PGAP1: variants seen among roughly 807,000 people sequenced by gnomAD.
PGAP1 encodes the protein GPI inositol-deacylase.
PGAP1 carries 76 observed loss-of-function variants against 127.0 expected under a neutral mutation model. That is an observed-to-expected ratio of 0.60 (90% confidence interval 0.50 to 0.72). PGAP1 has a LOEUF of 0.72. Ranked by LOEUF, PGAP1 falls within the 30% of genes least tolerant of loss-of-function variation. The probability of loss-of-function intolerance (pLI) is 0.00; values close to 1 mark genes in which losing one functional copy is unlikely to be tolerated. For synonymous variants in PGAP1, 362 were observed against 366.5 expected (o/e 0.99, Z 0.14); for missense variants, 982 against 1,071.3 (o/e 0.92, Z 1.16).
intron 12 of PGAP1, among the ~76,000 whole-genome samples, chr2:196,881,977 G>C (rs1006360929): frequency 2.0e-5 from 3 of 152,040 alleles, no homozygotes; most frequent in Non-Finnish European, 4.4e-5. Context: ...ATTTTTTATA[G>C]TTTTGGGTTT....
Position 196,926,680 on chromosome 2 carries a change from C to G in PGAP1, c.-64G>C. Reference sequence around the variant, plus strand: ...TACCTCCTTCTCCGCCGCGGGGCCCCAAGCCCGGACTGAGCGTGCTAGACA... The same window carrying G: ...TACCTCCTTCTCCGCCGCGGGGCCCGAAGCCCGGACTGAGCGTGCTAGACA... On this transcript the variant is annotated 5_prime_UTR_variant, in exon 1 of 27. Coordinates refer to ENST00000354764, the MANE Select transcript of PGAP1 (RefSeq NM_024989.4). 3 of 1,607,156 alleles carry G rather than the reference C, an allele frequency of 1.9e-6. No homozygotes were observed. Among genetic ancestry groups the G allele is most frequent in the Non-Finnish European group, 2.5e-6 (3 of 1,176,600 alleles).
intron 22 of PGAP1, among the ~76,000 whole-genome samples, chr2:196,846,432 A>G (rs1024396093): frequency 6.6e-6 from 1 of 152,154 alleles, no homozygotes; most frequent in African/African-American, 2.4e-5. Flanking sequence ...GGGTGGAGGA[A>G]GAAGCATCAC....
intron 5 of PGAP1, among the ~76,000 whole-genome samples, chr2:196,898,997 A>G (rs1207223550): frequency 1.3e-5 from 2 of 152,244 alleles, no homozygotes; most frequent in East Asian, 3.9e-4. Flanking sequence ...AAAGGCTTCT[A>G]AAAAATATAA....
chr2:196,859,259 G>A (rs1453248512), intron 20 of PGAP1, among the ~76,000 whole-genome samples: 1 of 152,136 alleles, frequency 6.6e-6, no homozygotes, highest in Non-Finnish European at 1.5e-5. Flanking sequence ...CCTGGGAGAA[G>A]GAGGTTGCAG....
intron 5 of PGAP1, among the ~76,000 whole-genome samples, 189 bp downstream of exon 5, chr2:196,902,396 T>TATTCATGC (rs1553604324): frequency 2.6e-5 from 4 of 151,362 alleles, no homozygotes; most frequent in African/African-American, 9.8e-5. Context: ...AACACATTCA[T>TATTCATGC]ATTCATTCAT....
At position 196,912,873 on chromosome 2, in the gene PGAP1, A is replaced by C. The variant is rs778419232; in HGVS notation, c.649+9T>G. 6.3e-7 allele frequency: 1 copy of C among 1,586,986 alleles called. No individual in the cohort carries two copies. The highest frequency in any genetic ancestry group is 1.4e-5 in the African/African-American group (1 of 73,892). ...ATGGGGAGGTTAATGTTCATGTAAC[A>C]GTACTCACCTGTAATGAAACGATCT... On this transcript the variant is annotated intron_variant, in intron 4 of 26. Transcript: ENST00000354764.
chr2:196,857,046 A>G (rs1456371800), intron 20 of PGAP1, among the ~76,000 whole-genome samples: 1 of 152,154 alleles, frequency 6.6e-6, no homozygotes, highest in Non-Finnish European at 1.5e-5. Context: ...TCCTTGCCAG[A>G]GCAATCAGGC....
chr2:196,892,387 C>T lies in PGAP1; in HGVS notation c.1048G>A (p.Val350Ile), dbSNP rs1471075730. ...ISDLTGTSMW[V>I]LVKVSKWTYV... Reference sequence around the variant, plus strand: ...GTCCATTTGGACACTTTTACTAGAACCCACATAGATGTCCCTGAAGGTAAA... The same window carrying T: ...GTCCATTTGGACACTTTTACTAGAATCCACATAGATGTCCCTGAAGGTAAA... The change falls in exon 9 of 27, where the codon GTT (valine) becomes ATT (isoleucine). Residue 350 changes from valine to isoleucine, a missense_variant. Physicochemically the swap from Val to Ile is conservative, Grantham distance 29. Coordinates refer to ENST00000354764, the MANE Select transcript of PGAP1 (RefSeq NM_024989.4). 1 of 1,465,428 alleles carries T rather than the reference C, an allele frequency of 6.8e-7. No homozygotes were observed. Among genetic ancestry groups the T allele is most frequent in the Non-Finnish European group, 9.4e-7 (1 of 1,063,600 alleles). The allele number at this position is 1,465,428 out of a possible 1,614,324, so 90.8% of individuals were successfully genotyped here. A position where few individuals can be genotyped will look rare whatever the true frequency, so the allele number is the denominator to read the frequency against.
chr2:196,883,327 C>A (rs979471907), intron 12 of PGAP1, among the ~76,000 whole-genome samples: 2 of 152,158 alleles, frequency 1.3e-5, no homozygotes, highest in African/African-American at 4.8e-5. Flanking sequence ...GCTAAAGAAC[C>A]ATTAATGAGT....
Position 196,872,543 on chromosome 2 carries a change from T to TG in PGAP1, c.1625dup (p.Ser543IlefsTer24). On this transcript the variant is annotated frameshift_variant, in exon 18 of 27. Coordinates refer to ENST00000354764, the MANE Select transcript of PGAP1 (RefSeq NM_024989.4). LOFTEE classifies it high-confidence loss of function. ...GTTTCAGAGAAATTTCTGTGGAAGA[T>TG]GGAGCCCTGAAGAGATAACTTAAAT... 6.2e-7 allele frequency: 1 copy of TG among 1,606,512 alleles called. No homozygotes were observed. The highest frequency in any genetic ancestry group is 8.5e-7 in the Non-Finnish European group (1 of 1,173,190).
intron 12 of PGAP1, among the ~76,000 whole-genome samples, chr2:196,885,191 G>A (rs1255823952): frequency 1.3e-5 from 2 of 151,960 alleles, no homozygotes; most frequent in East Asian, 1.9e-4. Context: ...GAGATTTAGA[G>A]GACTGTTAAC....
intron 24 of PGAP1, 141 bp from the exon 25 acceptor site, chr2:196,844,216 T>C (rs191694748): frequency 5.7e-5 from 32 of 564,016 alleles, no homozygotes; most frequent in African/African-American, 5.1e-4. Context: ...TTACTTTGCT[T>C]AAAAATACTT....
At chr2:196,913,078 T>C (rs765435551) in intron 3 of PGAP1, 25 bp from the exon 4 acceptor site, 2 of 1,575,036 alleles carry the variant, frequency 1.3e-6, no homozygotes, top group South Asian at 1.2e-5. Context: ...CACCAGGTCA[T>C]AATTGCGGCT....
At chr2:196,866,961 C>T (rs916726362) in intron 19 of PGAP1, among the ~76,000 whole-genome samples, 4 of 151,754 alleles carry the variant, frequency 2.6e-5, no homozygotes, top group African/African-American at 7.3e-5. Flanking sequence ...GTTAGAATGG[C>T]GATCATTAAA....
chr2:196,850,814 G>A (rs907765422), intron 20 of PGAP1, among the ~76,000 whole-genome samples: 1 of 152,062 alleles, frequency 6.6e-6, no homozygotes, highest in Non-Finnish European at 1.5e-5. Context: ...GGAAATTAGG[G>A]AGTGAGTGTC....
chr2:196,847,100 T>C lies in PGAP1; in HGVS notation c.2053A>G (p.Ile685Val). The change falls in exon 22 of 27, where the codon ATT (isoleucine) becomes GTT (valine). Residue 685 changes from isoleucine (I) to valine (V), a missense_variant. Physicochemically the swap from Ile to Val is conservative, Grantham distance 29 (BLOSUM62 3). Transcript: ENST00000354764. ...QSMCFPLISL[I>V]LFLFGTCTAY... is the part of the protein sequence containing the mutation. ...GTACACGTTCCAAACAGAAAGAGAATCAAGGATATCAGGGGGAAACACATA... is the reference window on the plus strand; with the variant it reads ...GTACACGTTCCAAACAGAAAGAGAACCAAGGATATCAGGGGGAAACACATA... 6.2e-7 allele frequency: 1 copy of C among 1,613,484 alleles called. No homozygotes were observed. Among genetic ancestry groups the C allele is most frequent in the Non-Finnish European group, 8.5e-7 (1 of 1,179,614 alleles).
intron 4 of PGAP1, among the ~76,000 whole-genome samples, chr2:196,903,516 G>T (rs1702569121): frequency 7.3e-6 from 1 of 136,934 alleles, no homozygotes. Context: ...AGCCGAGATT[G>T]TGCTACTGCA....
In PGAP1 at chr2:196,872,565, A is replaced by C. The variant is rs772309244; in HGVS notation, c.1620-16T>G. The C allele has an allele frequency of 2.6e-6, 4 of 1,529,416 alleles. No homozygotes were observed. Among genetic ancestry groups the C allele is most frequent in the Non-Finnish European group, 3.6e-6 (4 of 1,103,538 alleles). The allele number at this position is 1,529,416 out of a possible 1,614,324, so 94.7% of individuals were successfully genotyped here. On this transcript the variant is annotated splice_polypyrimidine_tract_variant and intron_variant, in intron 17 of 26. Coordinates refer to ENST00000354764, the MANE Select transcript of PGAP1 (RefSeq NM_024989.4). The stretch of plus-strand genomic sequence containing the variant: ...AGATGGAGCCCTGAAGAGATAACTT[A>C]AATATCAATTCTCAAATACAAAATG...
intron 5 of PGAP1, among the ~76,000 whole-genome samples, chr2:196,902,039 A>G (rs140204834): frequency 8.5e-5 from 13 of 152,180 alleles, no homozygotes; most frequent in African/African-American, 2.2e-4. Context: ...TTTGTTTTTG[A>G]GTCAGAGTCT....
Sources: gnomAD v4.1 joint callset for allele counts (sites outside exome capture counted in the v4.1 genomes callset) on GRCh38, gnomAD v4.1.1 for gene constraint, MANE v1.5 for transcripts, NCBI Gene and HGNC (gene_info 2026-07-23, HGNC 2026-07-21) for gene names.